PTPN13: variants seen among roughly 807,000 people sequenced by gnomAD.
PTPN13 encodes tyrosine-protein phosphatase non-receptor type 13.
In PTPN13, 191 loss-of-function variants were observed where a neutral mutation model predicts 284.0. That is an observed-to-expected ratio of 0.67 (90% CI 0.60 to 0.76). The LOEUF is 0.76. Among genes scored for constraint, PTPN13 ranks in the 30% least tolerant of loss-of-function variants. The probability of loss-of-function intolerance (pLI) is 0.00; values close to 1 mark genes in which losing one functional copy is unlikely to be tolerated. For synonymous variants in PTPN13, 986 were observed against 1,022.3 expected (o/e 0.96, Z 0.68); for missense variants, 2,797 against 2,939.9 (o/e 0.95, Z 1.12).
intron 9 of PTPN13, among the ~76,000 whole-genome samples, chr4:86,718,230 T>A (rs1733241984): frequency 6.6e-6 from 1 of 152,184 alleles, no homozygotes; most frequent in Admixed American, 6.5e-5. Context: ...TCTAATTCTG[T>A]ATTTCAGTTT....
At chr4:86,715,004 A>AG (rs753596119) in intron 7 of PTPN13, among the ~76,000 whole-genome samples, 6 of 152,130 alleles carry the variant, frequency 3.9e-5, no homozygotes, top group Admixed American at 1.3e-4. Flanking sequence ...TTAAAGGTTA[A>AG]GGAAAAAAAA....
At chr4:86,629,902 A>G (rs1306285797) in intron 1 of PTPN13, among the ~76,000 whole-genome samples, 10 of 151,998 alleles carry the variant, frequency 6.6e-5, no homozygotes, top group Admixed American at 6.6e-4. Flanking sequence ...GACTACAGGC[A>G]CGCACCATCA....
At position 86,735,779 on chromosome 4, in the gene PTPN13, G is replaced by A. The variant is rs762207073; in HGVS notation, c.2304+33G>A. The A allele has an allele frequency of 1.1e-5, 18 of 1,581,406 alleles. No homozygotes were observed. In the Admixed American group the frequency reaches 2.9e-4, roughly 26 times the overall value. ...TCCAAGATTACAAATGATAAGCTTTGTATCTTTTCCAAGTAAGCAAGAAGT... is the reference window on the plus strand; with the variant it reads ...TCCAAGATTACAAATGATAAGCTTTATATCTTTTCCAAGTAAGCAAGAAGT... On this transcript the variant is annotated intron_variant, in intron 15 of 47. Transcript: ENST00000411767.
chr4:86,803,053 A>G (rs1744209768), intron 42 of PTPN13, among the ~76,000 whole-genome samples: 1 of 148,396 alleles, frequency 6.7e-6, no homozygotes, highest in African/African-American at 2.5e-5. Flanking sequence ...AGCCTGGGCT[A>G]CAGAATAAGA....
chr4:86,747,183 A>G (rs1033027468), intron 17 of PTPN13, among the ~76,000 whole-genome samples: 1 of 152,242 alleles, frequency 6.6e-6, no homozygotes, highest in Non-Finnish European at 1.5e-5. Context: ...CTGAAGAACA[A>G]TATGGTATAG....
intron 23 of PTPN13, among the ~76,000 whole-genome samples, chr4:86,760,954 G>C (rs1738597853): frequency 6.6e-6 from 1 of 151,472 alleles, no homozygotes; most frequent in Non-Finnish European, 1.5e-5. Flanking sequence ...TTTTAGTTTT[G>C]TTTTTGTTTG....
chr4:86,734,215 T>C (rs1735247661), intron 12 of PTPN13, 88 bp from the exon 13 acceptor site: 1 of 1,058,506 alleles, frequency 9.4e-7, no homozygotes, highest in East Asian at 2.7e-5. Context: ...TACTCTTTTA[T>C]GCAAGTCTGA....
chr4:86,744,700 T>C (rs1462119638), intron 16 of PTPN13, among the ~76,000 whole-genome samples: 1 of 152,204 alleles, frequency 6.6e-6, no homozygotes, highest in Non-Finnish European at 1.5e-5. Flanking sequence ...GTTTGAAACC[T>C]AGGAGCAATA....
intron 30 of PTPN13, among the ~76,000 whole-genome samples, chr4:86,770,637 G>A (rs1233446532): frequency 3.9e-5 from 6 of 152,146 alleles, no homozygotes; most frequent in Non-Finnish European, 7.3e-5. Context: ...CTTGATGAGC[G>A]TATAAGTTGG....
At position 86,672,804 on chromosome 4, in the gene PTPN13, C is replaced by T. The variant is rs148707339; in HGVS notation, c.294+261C>T. 5.6e-3 allele frequency among the ~76,000 whole-genome samples: 847 copies of T among 152,170 alleles called. 7 individuals are homozygous for T. Among genetic ancestry groups the T allele is most frequent in the African/African-American group, 0.018 (750 of 41,506 alleles). On this transcript the variant is annotated intron_variant, in intron 3 of 47. Transcript: ENST00000411767. Reference sequence around the variant, plus strand: ...TAAATACCTGCTTTGTATAAAACACCGTGCCTGAGGAAGATATAGAAATAA... The same window carrying T: ...TAAATACCTGCTTTGTATAAAACACTGTGCCTGAGGAAGATATAGAAATAA...
intron 2 of PTPN13, among the ~76,000 whole-genome samples, chr4:86,655,078 G>T (rs1332640008): frequency 5.9e-5 from 9 of 151,704 alleles, no homozygotes; most frequent in Admixed American, 1.3e-4. Context: ...GCCTTTTTTT[G>T]TTTTCCATTT....
intron 1 of PTPN13, among the ~76,000 whole-genome samples, chr4:86,623,360 A>G (rs1355460127): frequency 2.0e-5 from 3 of 152,118 alleles, no homozygotes; most frequent in Admixed American, 1.3e-4. Context: ...TACCCACTCC[A>G]CTCAGACTCA....
At position 86,814,911 on chromosome 4, in the gene PTPN13, GTTATT is replaced by G. The variant is rs1032743165; in HGVS notation, c.*365_*369del. The stretch of plus-strand genomic sequence containing the variant: ...TGTTTTCCAATATTTTAATAAAGTA[GTTATT>G]TTATAGGGGATACTTGAAACCAGTA... On this transcript the variant is annotated 3_prime_UTR_variant, in exon 48 of 48. Coordinates refer to ENST00000411767, the MANE Select transcript of PTPN13 (RefSeq NM_080683.3). The G allele has an allele frequency of 3.9e-4, 64 of 165,202 alleles. No homozygotes were observed. Among genetic ancestry groups the G allele is most frequent in the African/African-American group, 1.5e-3 (61 of 42,052 alleles). 10.2% of individuals were successfully genotyped at this position (165,202 alleles called of 1,614,324 possible). A position where few individuals can be genotyped will look rare whatever the true frequency, so the allele number is the denominator to read the frequency against.
Position 86,701,773 on chromosome 4 carries a change from G to T in PTPN13, c.1167G>T (p.Gln389His). Residue 389 changes from glutamine (Q) to histidine (H), a missense_variant, in exon 7 of 48, where the codon CAG becomes CAT. By Grantham distance (24) the Gln-to-His change is conservative (BLOSUM62 0). Transcript: ENST00000411767. ...TCCGAGAGAGACAAAAGAAACTTCA[G>T]GTTCTGAGGGAAGCCATGAATGTAG... ...DRIRERQKKL[Q>H]VLREAMNVEE... is the part of the protein sequence containing the mutation. The T allele has an allele frequency of 6.2e-7, 1 of 1,612,290 alleles. No individual in the cohort carries two copies. Among genetic ancestry groups the T allele is most frequent in the South Asian group, 1.1e-5 (1 of 90,568 alleles).
chr4:86,739,914 G>A (rs1325330212), intron 15 of PTPN13, among the ~76,000 whole-genome samples: 3 of 152,190 alleles, frequency 2.0e-5, no homozygotes, highest in African/African-American at 7.2e-5. Context: ...ATCCAGCAGG[G>A]CAGGCAAACC....
chr4:86,679,717 A>AT (rs1728677472), intron 3 of PTPN13, among the ~76,000 whole-genome samples: 1 of 152,206 alleles, frequency 6.6e-6, no homozygotes, highest in Non-Finnish European at 1.5e-5. Flanking sequence ...AAAGCAGCTC[A>AT]TATTTCTTCA....
intron 12 of PTPN13, among the ~76,000 whole-genome samples, chr4:86,733,170 C>CT (rs1735126301): frequency 6.6e-6 from 1 of 151,990 alleles, no homozygotes; most frequent in Non-Finnish European, 1.5e-5. Context: ...ATCACAGTGA[C>CT]TTTTTAAAAT....
At chr4:86,621,869 C>A (rs1422220361) in intron 1 of PTPN13, among the ~76,000 whole-genome samples, 5 of 151,884 alleles carry the variant, frequency 3.3e-5, no homozygotes, top group Non-Finnish European at 7.4e-5. Flanking sequence ...CTTCCTTTTG[C>A]TCCCTCTCTC....
At chr4:86,685,439 T>C (rs2148944951) in intron 3 of PTPN13, among the ~76,000 whole-genome samples, 1 of 152,256 alleles carries the variant, frequency 6.6e-6, no homozygotes, top group African/African-American at 2.4e-5. Context: ...TGAGATCCCA[T>C]CTCTACAAAA....
Sources: allele counts gnomAD v4.1 joint callset (sites outside exome capture counted in the v4.1 genomes callset), GRCh38; gene constraint gnomAD v4.1.1; transcripts MANE v1.5; gene names NCBI Gene and HGNC (gene_info 2026-07-23, HGNC 2026-07-21).